CNBD2: variants seen among roughly 807,000 people sequenced by gnomAD.
CNBD2 encodes the protein cyclic nucleotide-binding domain-containing protein 2.
Under a neutral mutation model 63.7 loss-of-function variants are expected in CNBD2, and 64 were observed. The ratio of observed to expected loss-of-function variants is 1.00; its 90% confidence interval spans 0.82 to 1.24. The LOEUF is 1.24. Ranked by LOEUF, CNBD2 falls within the 50% of genes most tolerant of loss-of-function variation. The probability of loss-of-function intolerance (pLI) is 0.00; values close to 1 mark genes in which losing one functional copy is unlikely to be tolerated. For synonymous variants in CNBD2, 229 were observed against 255.4 expected, an observed-to-expected ratio of 0.90 and a Z score of 0.99; for missense variants, 691 against 713.5, an observed-to-expected ratio of 0.97 and a Z score of 0.36.
In CNBD2 at chr20:36,015,943, G is replaced by A. The variant is rs145062763; in HGVS notation, c.1269+4686G>A. Among the ~76,000 whole-genome samples the A allele has an allele frequency of 3.7e-4, 57 of 152,260 alleles. No individual in the cohort carries two copies. The East Asian group carries it at 9.6e-3, about 26-fold the overall frequency. On this transcript the variant is annotated intron_variant, in intron 10 of 11. Coordinates refer to ENST00000373973, the MANE Select transcript of CNBD2 (RefSeq NM_001365709.1). ...TTCCAAAGAGTACAGTATGGCAAGG[G>A]GGGAATGAAGTAACTTTACAATGGA... is the stretch of plus-strand genomic sequence containing the variant.
At chr20:36,028,018 A>C (rs1169818633) in intron 11 of CNBD2, among the ~76,000 whole-genome samples, 1 of 152,154 alleles carries the variant, frequency 6.6e-6, no homozygotes, top group Non-Finnish European at 1.5e-5. Flanking sequence ...TAAGGCCAAC[A>C]CTGGGGCAGT....
chr20:35,975,149 C>A (rs2056486899), intron 2 of CNBD2, among the ~76,000 whole-genome samples: 2 of 134,610 alleles, frequency 1.5e-5, no homozygotes, highest in South Asian at 5.0e-4. Context: ...CTACAGGCGC[C>A]CGCTACCACG....
At chr20:36,029,726 G>A (rs1462628645) in intron 11 of CNBD2, among the ~76,000 whole-genome samples, 1 of 152,202 alleles carries the variant, frequency 6.6e-6, no homozygotes, top group Non-Finnish European at 1.5e-5. Context: ...CTGGAAGAAT[G>A]AATGTTCTGA....
intron 8 of CNBD2, among the ~76,000 whole-genome samples, chr20:35,996,874 T>C (rs998478456): frequency 1.3e-5 from 2 of 152,114 alleles, no homozygotes; most frequent in Non-Finnish European, 2.9e-5. Context: ...ATAGGGCAAA[T>C]AAGTAGCAAT....
At chr20:36,000,900 C>T (rs968632521) in intron 8 of CNBD2, among the ~76,000 whole-genome samples, 4 of 151,532 alleles carry the variant, frequency 2.6e-5, no homozygotes, top group African/African-American at 7.3e-5. Flanking sequence ...TGCGGCCTTC[C>T]GCAGTGTTTG....
chr20:35,995,690 T>G (rs1358824453), intron 8 of CNBD2, among the ~76,000 whole-genome samples: 1 of 152,230 alleles, frequency 6.6e-6, no homozygotes, highest in Admixed American at 6.5e-5. Context: ...TTTGGATTGT[T>G]TTCACTTTTT....
At chr20:35,957,084 C>G (rs573385503), downstream of CNBD2, among the ~76,000 whole-genome samples, 5 of 152,218 alleles carry the variant, frequency 3.3e-5, no homozygotes, top group South Asian at 1.0e-3. Context: ...TGTTAGATCT[C>G]TAGTCTATTT....
intron 8 of CNBD2, among the ~76,000 whole-genome samples, chr20:36,001,224 T>A (rs2056894764): frequency 6.6e-6 from 1 of 152,052 alleles, no homozygotes; most frequent in Non-Finnish European, 1.5e-5. Flanking sequence ...GCCATTGTCA[T>A]CATGGCCCGT....
chr20:35,985,978 A>G (rs2056662352), intron 6 of CNBD2, among the ~76,000 whole-genome samples: 1 of 152,254 alleles, frequency 6.6e-6, no homozygotes, highest in African/African-American at 2.4e-5. Flanking sequence ...CAGGATATAA[A>G]TAATTACAAT....
rs150890800 is a variant in CNBD2, at chr20:35,963,070, G to A, written c.228+5296G>A. 1.1e-3 allele frequency among the ~76,000 whole-genome samples: 161 copies of A among 152,248 alleles called. No homozygotes were observed. The East Asian group carries it at 0.022, about 21-fold the overall frequency. On this transcript the variant is annotated intron_variant, in intron 2 of 4. Transcript: ENST00000622112. ...GACAATTAATCTATTTAGGCTGGGC[G>A]TGGTGGCTCACATCTCTAATCCCAG...
chr20:35,965,989 T>C (rs1348171106), upstream of CNBD2, among the ~76,000 whole-genome samples: 1 of 152,168 alleles, frequency 6.6e-6, no homozygotes, highest in Non-Finnish European at 1.5e-5. Flanking sequence ...ATACTTTCCT[T>C]GTCACTCTTG....
chr20:36,016,247 C>A (rs951034392), intron 10 of CNBD2, among the ~76,000 whole-genome samples: 5 of 152,014 alleles, frequency 3.3e-5, no homozygotes, highest in African/African-American at 1.2e-4. Flanking sequence ...CCAAGAGGAG[C>A]CTAAAGAGCC....
chr20:35,969,602 T>TC (rs1366927443), intron 1 of CNBD2, among the ~76,000 whole-genome samples: 1 of 151,442 alleles, frequency 6.6e-6, no homozygotes, highest in African/African-American at 2.5e-5. Context: ...GCATCATAGT[T>TC]CTTTTTTCCC....
In CNBD2 at chr20:36,008,294, C is replaced by A; in HGVS notation, c.971-3C>A. 6.2e-7 allele frequency: 1 copy of A among 1,602,134 alleles called. No homozygotes were observed. Among genetic ancestry groups the A allele is most frequent in the South Asian group, 1.1e-5 (1 of 89,128 alleles). The stretch of plus-strand genomic sequence containing the variant: ...GTATCTTTTCCTGTGCTTTCTCTAA[C>A]AGAATACTCTCCTATGGAAAGATTT... On this transcript the variant is annotated splice_region_variant and splice_polypyrimidine_tract_variant and intron_variant, in intron 8 of 11. Transcript: ENST00000373973.
Position 36,008,004 on chromosome 20 carries a change from C to T in CNBD2, c.971-293C>T, listed in dbSNP as rs533811399. Among the ~76,000 whole-genome samples the T allele has an allele frequency of 8.0e-4, 122 of 152,232 alleles. 2 individuals are homozygous for T. The South Asian group carries it at 0.025, about 31-fold the overall frequency. On this transcript the variant is annotated intron_variant, in intron 8 of 11. Transcript: ENST00000373973. ...AATCCAAGAGACCTGAGTTCAAATCCAAGCTTTAACCTTTTTCTGGGTGAC... is the reference window on the plus strand; with the variant it reads ...AATCCAAGAGACCTGAGTTCAAATCTAAGCTTTAACCTTTTTCTGGGTGAC...
At chr20:36,001,195 C>G (rs1031579528) in intron 8 of CNBD2, among the ~76,000 whole-genome samples, 43 of 152,206 alleles carry the variant, frequency 2.8e-4, no homozygotes, top group Admixed American at 1.0e-3. Flanking sequence ...CCTTTCCCCC[C>G]TTTCTATTCC....
At chr20:36,015,657 G>T (rs1166213388) in intron 10 of CNBD2, among the ~76,000 whole-genome samples, 3 of 152,094 alleles carry the variant, frequency 2.0e-5, no homozygotes, top group African/African-American at 7.2e-5. Flanking sequence ...ACATATGGGG[G>T]CCACCTAAAA....
chr20:36,013,509 G>A (rs1158802054), intron 10 of CNBD2, among the ~76,000 whole-genome samples: 1 of 152,190 alleles, frequency 6.6e-6, no homozygotes, highest in Non-Finnish European at 1.5e-5. Context: ...CATTATAAAT[G>A]TATGAAACAA....
At chr20:35,997,754 G>C (rs959594083) in intron 8 of CNBD2, among the ~76,000 whole-genome samples, 2 of 152,222 alleles carry the variant, frequency 1.3e-5, no homozygotes, top group African/African-American at 4.8e-5. Context: ...CTGCTAGGAA[G>C]GCAGAGTGAG....
Sources: gnomAD v4.1 joint callset for allele counts (sites outside exome capture counted in the v4.1 genomes callset) on GRCh38, gnomAD v4.1.1 for gene constraint, MANE v1.5 for transcripts, NCBI Gene and HGNC (gene_info 2026-07-23, HGNC 2026-07-21) for gene names.